Variants in CACNA1D observed in about 807,000 individuals in gnomAD.
CACNA1D encodes the protein voltage-dependent L-type calcium channel subunit alpha-1D.
In CACNA1D, 55 loss-of-function variants were observed where a neutral mutation model predicts 257.1. That is an observed-to-expected ratio of 0.21 (90% CI 0.17 to 0.27). CACNA1D has a LOEUF of 0.27. Among genes scored for constraint, CACNA1D ranks in the 10% least tolerant of loss-of-function variants. CACNA1D has a pLI of 1.00. For synonymous variants in CACNA1D, 980 were observed against 1,014.9 expected (o/e 0.97, Z 0.65); for missense variants, 1,876 against 2,784.0 (o/e 0.67, Z 7.34).
chr3:53,575,482 C>G (rs2093021341), intron 3 of CACNA1D, among the ~76,000 whole-genome samples: 1 of 152,112 alleles, frequency 6.6e-6, no homozygotes, highest in South Asian at 2.1e-4. Context: ...ATTGTTAGCT[C>G]TGATCATTTG....
intron 3 of CACNA1D, among the ~76,000 whole-genome samples, chr3:53,554,215 A>C (rs1352726003): frequency 6.6e-6 from 1 of 151,560 alleles, no homozygotes; most frequent in African/African-American, 2.4e-5. Flanking sequence ...AAAAAGGTGG[A>C]AAATTATCAT....
Position 53,685,852 on chromosome 3 carries a change from C to G in CACNA1D, c.1220+12726C>G, listed in dbSNP as rs368693005. Among the ~76,000 whole-genome samples the G allele has an allele frequency of 2.3e-4, 35 of 152,186 alleles. No homozygotes were observed. The South Asian group carries it at 6.6e-3, about 29-fold the overall frequency. ...GAAAGGTTTAAACTCAGTAGTTCTACATTTCCATCTACTAATCTAGAAAAA... is the reference window on the plus strand; with the variant it reads ...GAAAGGTTTAAACTCAGTAGTTCTAGATTTCCATCTACTAATCTAGAAAAA... On this transcript the variant is annotated intron_variant, in intron 8 of 47. Coordinates refer to ENST00000350061, the MANE Select transcript of CACNA1D (RefSeq NM_001128840.3).
intron 3 of CACNA1D, among the ~76,000 whole-genome samples, chr3:53,514,864 G>A (rs145522882): frequency 6.6e-6 from 1 of 152,144 alleles, no homozygotes; most frequent in East Asian, 1.9e-4. Flanking sequence ...CATTTTTTTA[G>A]GTGTTCTTAC....
intron 3 of CACNA1D, among the ~76,000 whole-genome samples, chr3:53,504,968 TTGATCCCTAC>T (rs1319105265): frequency 6.6e-6 from 1 of 152,078 alleles, no homozygotes; most frequent in Non-Finnish European, 1.5e-5. Context: ...CAGACCTTCT[TTGATCCCTAC>T]TGATGGCTGC....
chr3:53,496,069 C>A (rs191253747), intron 1 of CACNA1D, among the ~76,000 whole-genome samples: 21 of 152,356 alleles, frequency 1.4e-4, no homozygotes, highest in Admixed American at 7.2e-4. Flanking sequence ...CGATTGCCCG[C>A]CGCTCGCCCG....
rs1425557580 is a variant in CACNA1D, at chr3:53,691,928, A to C, written c.1221-10713A>C. Among the ~76,000 whole-genome samples, 5 of 49,844 alleles carry C rather than the reference A, an allele frequency of 1.0e-4. No individual in the cohort carries two copies. The South Asian group carries it at 2.9e-3, about 29-fold the overall frequency. 32.7% of individuals were successfully genotyped at this position (49,844 alleles called of 152,430 possible). On this transcript the variant is annotated intron_variant, in intron 8 of 47. Coordinates refer to ENST00000350061, the MANE Select transcript of CACNA1D (RefSeq NM_001128840.3). ...ATATTATATATAATATATATTATAT[A>C]TATTATATATATATTTTAAGGCTTA... is the stretch of plus-strand genomic sequence containing the variant.
At chr3:53,659,413 G>A (rs910495788) in intron 4 of CACNA1D, among the ~76,000 whole-genome samples, 2 of 152,202 alleles carry the variant, frequency 1.3e-5, no homozygotes, top group Admixed American at 6.5e-5. Context: ...TGGGGTGTGT[G>A]TGTTAGTGAC....
intron 11 of CACNA1D, among the ~76,000 whole-genome samples, chr3:53,720,226 T>C (rs925021633): frequency 1.3e-5 from 2 of 152,232 alleles, no homozygotes; most frequent in Non-Finnish European, 2.9e-5. Flanking sequence ...AGTGTCATTT[T>C]TCAACAAAAA....
intron 3 of CACNA1D, among the ~76,000 whole-genome samples, chr3:53,613,361 CT>C (rs2093603007): frequency 6.6e-6 from 1 of 152,096 alleles, no homozygotes; most frequent in East Asian, 1.9e-4. Context: ...TCTTCCTGTA[CT>C]TCCTGCTTCT....
chr3:53,555,810 C>G (rs1171250560), intron 3 of CACNA1D, among the ~76,000 whole-genome samples: 3 of 152,108 alleles, frequency 2.0e-5, no homozygotes, highest in African/African-American at 7.2e-5. Context: ...ATACACACTG[C>G]TCAGATTATT....
chr3:53,808,139 A>G (rs933477308), intron 45 of CACNA1D: 1 of 175,490 alleles, frequency 5.7e-6, no homozygotes, highest in African/African-American at 2.4e-5. Context: ...CCTCCTGAGA[A>G]CAGGCGAACG....
intron 7 of CACNA1D, among the ~76,000 whole-genome samples, chr3:53,666,940 G>A (rs1445173324): frequency 6.6e-6 from 1 of 152,050 alleles, no homozygotes; most frequent in African/African-American, 2.4e-5. Context: ...ATACATCAAG[G>A]CAGGTTGCTC....
intron 3 of CACNA1D, among the ~76,000 whole-genome samples, chr3:53,575,109 A>C (rs2093013517): frequency 6.6e-6 from 1 of 152,170 alleles, no homozygotes. Context: ...TTTGGAGAGG[A>C]CTGGGTGTAG....
At chr3:53,531,019 T>A (rs1405576269) in intron 3 of CACNA1D, among the ~76,000 whole-genome samples, 1 of 16,772 alleles carries the variant, frequency 6.0e-5, no homozygotes, top group African/African-American at 1.6e-4. Flanking sequence ...CTAATTTTAA[T>A]TTTTTTTTTT....
intron 35 of CACNA1D, 58 bp from the exon 36 acceptor site, chr3:53,776,545 C>G: frequency 6.2e-7 from 1 of 1,607,542 alleles, no homozygotes. Context: ...AGCCTGTGCT[C>G]AGTTCTAACG....
Position 53,506,253 on chromosome 3 carries a change from A to G in CACNA1D, c.483+4533A>G, listed in dbSNP as rs181156903. Among the ~76,000 whole-genome samples the G allele has an allele frequency of 4.0e-5, 6 of 151,406 alleles. No homozygotes were observed. The East Asian group carries it at 1.2e-3, about 29-fold the overall frequency. ...CTTCAGCCTTCTCTGATACTTGTCC[A>G]CTCCCCGCCTGCCTACATCTGAGTA... On this transcript the variant is annotated intron_variant, in intron 3 of 47. Transcript: ENST00000350061.
At chr3:53,782,839 T>TA (rs1304272639) in intron 39 of CACNA1D, 1 of 152,232 alleles carries the variant, frequency 6.6e-6, no homozygotes, top group African/African-American at 2.4e-5. Context: ...GGAGAACCGA[T>TA]ACTGCACATT....
At chr3:53,695,365 G>A (rs1280377234) in intron 8 of CACNA1D, among the ~76,000 whole-genome samples, 2 of 152,180 alleles carry the variant, frequency 1.3e-5, no homozygotes, top group Admixed American at 1.3e-4. Flanking sequence ...CCTGTGCCCC[G>A]AGACCCTCAG....
At chr3:53,625,286 G>C (rs528664809) in intron 3 of CACNA1D, among the ~76,000 whole-genome samples, 1 of 152,326 alleles carries the variant, frequency 6.6e-6, no homozygotes, top group East Asian at 1.9e-4. Flanking sequence ...ATGGACTACA[G>C]AGTCTGTCCC....
Sources: allele counts gnomAD v4.1 joint callset (sites outside exome capture counted in the v4.1 genomes callset), GRCh38; gene constraint gnomAD v4.1.1; transcripts MANE v1.5; gene names NCBI Gene and HGNC (gene_info 2026-07-23, HGNC 2026-07-21).